Variants in IRF5 observed in about 807,000 individuals in gnomAD.
The protein encoded by IRF5 is interferon regulatory factor 5.
A neutral mutation model predicts 55.1 loss-of-function variants in IRF5; 24 were observed. That is an observed-to-expected ratio of 0.44 (90% CI 0.32 to 0.61). The LOEUF (loss-of-function observed/expected upper bound fraction) is 0.61. Among genes scored for constraint, IRF5 ranks in the 20% least tolerant of loss-of-function variants. The pLI is 0.07. For missense variants in IRF5, 499 were observed against 658.5 expected (o/e 0.76, Z 2.65); for synonymous variants, 258 against 260.2 (o/e 0.99, Z 0.08).
In IRF5 at chr7:128,948,963, G is replaced by C; in HGVS notation, c.*145G>C. 1.0e-6 allele frequency: 1 copy of C among 990,368 alleles called. No homozygotes were observed. Among genetic ancestry groups the C allele is most frequent in the South Asian group, 1.7e-5 (1 of 59,902 alleles). 61.3% of individuals were successfully genotyped at this position (990,368 alleles called of 1,614,324 possible). A position where few individuals can be genotyped will look rare whatever the true frequency, so the allele number is the denominator to read the frequency against. ...AAGTGGATTTGGGCCAAGAAGGAGAGGGAGAAAGGCCCGAGCCCCTGCCTT... is the reference window on the plus strand; with the variant it reads ...AAGTGGATTTGGGCCAAGAAGGAGACGGAGAAAGGCCCGAGCCCCTGCCTT... On this transcript the variant is annotated 3_prime_UTR_variant, in exon 9 of 9. Coordinates refer to ENST00000357234, the MANE Select transcript of IRF5 (RefSeq NM_001098629.3). This position sits in a 1 kb window ranked among gnomAD's most constrained non-coding sequence, Gnocchi z 4.6.
rs1796394473 is a variant in IRF5 at position 128,947,661 on chromosome 7, G to T, written c.788-68G>T. On this transcript the variant is annotated intron_variant, in intron 6 of 8. Transcript: ENST00000357234. This position sits in a 1 kb window ranked among gnomAD's most constrained non-coding sequence, Gnocchi z 6.5. ...GGGAGGGCGGATGGGGCTGGGCCTG[G>T]CCACTGGGCTGCAGAATGGGGAGGC... is the stretch of plus-strand genomic sequence containing the variant. 6.6e-7 allele frequency: 1 copy of T among 1,517,562 alleles called. No individual in the cohort carries two copies. The highest frequency in any genetic ancestry group is 8.8e-7 in the Non-Finnish European group (1 of 1,137,500). 94.0% of individuals were successfully genotyped at this position (1,517,562 alleles called of 1,614,324 possible).
intron 2 of IRF5, among the ~76,000 whole-genome samples, 194 bp downstream of exon 2, chr7:128,942,470 T>TA (rs1796082368): frequency 6.7e-6 from 1 of 150,130 alleles, no homozygotes; most frequent in South Asian, 2.1e-4. Context: ...TTTTTTTTTT[T>TA]AAGACAGAGT....
intron 2 of IRF5, among the ~76,000 whole-genome samples, 200 bp downstream of exon 2, chr7:128,942,476 A>AC: frequency 6.6e-6 from 1 of 150,542 alleles, no homozygotes; most frequent in East Asian, 1.9e-4. Context: ...TTTTTAAGAC[A>AC]GAGTCTCGCT....
rs766997158 is a variant in IRF5, at chr7:128,948,335, C to G, written c.1299+7C>G. On this transcript the variant is annotated splice_region_variant and intron_variant, in intron 8 of 8. Transcript: ENST00000357234. The surrounding 1 kb of genome is among the most constrained non-coding windows in gnomAD (Gnocchi z 4.6). ...GAAGCTCATTACTGTACAGGTACAT[C>G]TCCCCTATCCCAAAGTCGGCCTTGG... 8.3e-6 allele frequency: 13 copies of G among 1,574,678 alleles called. No individual in the cohort carries two copies. The Admixed American group carries it at 1.7e-4, about 21-fold the overall frequency.
chr7:128,948,249 C>A lies in IRF5; in HGVS notation c.1220C>A (p.Pro407Gln). The change falls in exon 8 of 9, where the codon CCA becomes CAA. Residue 407 changes from proline to glutamine, a missense_variant. Pro to Gln is a moderately conservative substitution (Grantham distance 76). This residue lies in a region of IRF5 where 194 missense variants were observed against 318.3 expected (regional missense o/e 0.61). Transcript: ENST00000357234. The surrounding 1 kb of genome is among the most constrained non-coding windows in gnomAD (Gnocchi z 4.6). ...CAAAAGGGCCAGACCAACACCCCAC[C>A]ACCCTTCGAGATCTTCTTCTGCTTT... ...LFQKGQTNTP[P>Q]PFEIFFCFGE... The A allele has an allele frequency of 6.2e-7, 1 of 1,613,762 alleles. No individual in the cohort carries two copies. Among genetic ancestry groups the A allele is most frequent in the Admixed American group, 1.7e-5 (1 of 59,924 alleles).
chr7:128,947,048 G>A lies in IRF5; in HGVS notation c.473G>A (p.Ser158Asn). The part of the protein sequence containing the change: ...EELQRMLPSL[S>N]LTDAVQSGPH... ...CTGCAGAGGATGTTGCCAAGCCTGA[G>A]CCTCACAGGTGGGGCCGGGAGGTGG... The change falls in exon 5 of 9, where the codon AGC becomes AAC. Residue 158 changes from serine to asparagine, a missense_variant. This residue lies in a region of IRF5 where 305 missense variants were observed against 340.2 expected (regional missense o/e 0.90). Transcript: ENST00000357234. The surrounding 1 kb of genome is among the most constrained non-coding windows in gnomAD (Gnocchi z 6.5). 6.2e-7 allele frequency: 1 copy of A among 1,614,142 alleles called. No individual in the cohort carries two copies. Among genetic ancestry groups the A allele is most frequent in the South Asian group, 1.1e-5 (1 of 91,080 alleles).
At chr7:128,937,247 C>T (rs1476003165), upstream of IRF5, among the ~76,000 whole-genome samples, 2 of 151,620 alleles carry the variant, frequency 1.3e-5, no homozygotes, top group African/African-American at 2.4e-5. Flanking sequence ...GAAGAACATT[C>T]CATGAGAAGG....
Position 128,946,141 on chromosome 7 carries a change from G to A in IRF5, c.385+107G>A. ...AGGCCAAGGGCCCCTCTAGCAGGCA[G>A]TGGTCCAGGAAACGATGCGGGGGCT... On this transcript the variant is annotated intron_variant, in intron 3 of 8. Coordinates refer to ENST00000357234, the MANE Select transcript of IRF5 (RefSeq NM_001098629.3). The surrounding 1 kb of genome is among the most constrained non-coding windows in gnomAD (Gnocchi z 4.2). 8.9e-7 allele frequency: 1 copy of A among 1,122,532 alleles called. No homozygotes were observed. The highest frequency in any genetic ancestry group is 1.2e-6 in the Non-Finnish European group (1 of 808,276). The allele number at this position is 1,122,532 out of a possible 1,614,324, so 69.5% of individuals were successfully genotyped here. A position where few individuals can be genotyped will look rare whatever the true frequency, so the allele number is the denominator to read the frequency against.
At position 128,947,184 on chromosome 7, in the gene IRF5, G is replaced by C; in HGVS notation, c.482-46G>C. The C allele has an allele frequency of 4.4e-6, 7 of 1,599,674 alleles. No individual in the cohort carries two copies. Among genetic ancestry groups the C allele is most frequent in the Non-Finnish European group, 6.0e-6 (7 of 1,171,786 alleles). On this transcript the variant is annotated intron_variant, in intron 5 of 8. Coordinates refer to ENST00000357234, the MANE Select transcript of IRF5 (RefSeq NM_001098629.3). This position sits in a 1 kb window ranked among gnomAD's most constrained non-coding sequence, Gnocchi z 6.5. ...TGGGAGGAGGTGTGCCTGGGAGGCAGTTCGTGGAGGTGGCACTGACAGCCG... is the reference window on the plus strand; with the variant it reads ...TGGGAGGAGGTGTGCCTGGGAGGCACTTCGTGGAGGTGGCACTGACAGCCG...
rs1175572430 is a variant in IRF5, at chr7:128,947,319, C to T, written c.571C>T (p.Arg191Trp). The T allele has an allele frequency of 5.1e-5, 21 of 413,858 alleles. No homozygotes were observed. Among genetic ancestry groups the T allele is most frequent in the South Asian group, 1.1e-4 (3 of 26,956 alleles). The allele number at this position is 413,858 out of a possible 1,614,324, so 25.6% of individuals were successfully genotyped here. A position where few individuals can be genotyped will look rare whatever the true frequency, so the allele number is the denominator to read the frequency against. Residue 191 changes from arginine (R) to tryptophan (W), a missense_variant, in exon 6 of 9, where the codon CGG becomes TGG. Around this residue, in one of 2 missense-constraint regions of IRF5, gnomAD observed 305 missense variants for 340.2 expected, o/e 0.90. Transcript: ENST00000357234. This position sits in a 1 kb window ranked among gnomAD's most constrained non-coding sequence, Gnocchi z 6.5. ...GCCCACTCTGCAGCCGCCCACTCTGCGGCCGCCTACTCTGCAGCCGCCCAC... is the reference window on the plus strand; with the variant it reads ...GCCCACTCTGCAGCCGCCCACTCTGTGGCCGCCTACTCTGCAGCCGCCCAC... Reference protein sequence around the residue: ...WPPTLQPPTLRPPTLQPPTLQ... With the variant: ...WPPTLQPPTLWPPTLQPPTLQ...
At chr7:128,942,580 G>A (rs1796088260) in intron 2 of IRF5, among the ~76,000 whole-genome samples, 1 of 151,868 alleles carries the variant, frequency 6.6e-6, no homozygotes, top group Non-Finnish European at 1.5e-5. Flanking sequence ...AGCCTCCTGA[G>A]TAGCTGGGAT....
At position 128,941,848 on chromosome 7, in the gene IRF5, C is replaced by T. The variant is rs757489495; in HGVS notation, c.-11-223C>T. Among the ~76,000 whole-genome samples, 4 of 152,184 alleles carry T rather than the reference C, an allele frequency of 2.6e-5. No homozygotes were observed. In the East Asian group the frequency reaches 5.8e-4, roughly 22 times the overall value. On this transcript the variant is annotated intron_variant, in intron 1 of 8. Transcript: ENST00000357234. ...CTGCCCGGTAAAGGGCACCTGGGGC[C>T]GCGCCCGCAGCATTCACTAACTCGT...
chr7:128,945,008 G>A (rs553036046), intron 2 of IRF5, among the ~76,000 whole-genome samples: 3 of 152,290 alleles, frequency 2.0e-5, no homozygotes, highest in African/African-American at 7.2e-5. Flanking sequence ...AAGAAATGTT[G>A]GTAACCCTCA....
chr7:128,947,360 G>A lies in IRF5; in HGVS notation c.612G>A (p.Val204=), dbSNP rs1222406617. The A allele has an allele frequency of 1.2e-6, 2 of 1,608,668 alleles. No homozygotes were observed. Among genetic ancestry groups the A allele is most frequent in the Non-Finnish European group, 1.7e-6 (2 of 1,177,976 alleles). Residue 204 remains valine (V), a synonymous_variant, in exon 6 of 9, where the codon GTG becomes GTA. Transcript: ENST00000357234. The surrounding 1 kb of genome is among the most constrained non-coding windows in gnomAD (Gnocchi z 6.5). ...AGCCGCCCACTCTGCAGCCGCCCGT[G>A]GTGCTGGGTCCCCCTGCTCCAGACC... ...TLQPPTLQPP[V]VLGPPAPDPS... is the part of the protein sequence containing the mutation.
chr7:128,946,962 G>A lies in IRF5; in HGVS notation c.448-61G>A. The A allele has an allele frequency of 6.3e-7, 1 of 1,591,564 alleles. No homozygotes were observed. Among genetic ancestry groups the A allele is most frequent in the Non-Finnish European group, 8.6e-7 (1 of 1,160,296 alleles). On this transcript the variant is annotated intron_variant, in intron 4 of 8. Transcript: ENST00000357234. This position sits in a 1 kb window ranked among gnomAD's most constrained non-coding sequence, Gnocchi z 4.2. ...TTATTTCCCCAGCCCCAGGTCAGTGGAATAACCTGTCCTCCTTTCTCTCCC... is the reference window on the plus strand; with the variant it reads ...TTATTTCCCCAGCCCCAGGTCAGTGAAATAACCTGTCCTCCTTTCTCTCCC...
In IRF5 at chr7:128,946,724, C is replaced by T. The variant is rs1796326144; in HGVS notation, c.447+162C>T. 4.7e-6 allele frequency: 3 copies of T among 643,008 alleles called. No individual in the cohort carries two copies. The highest frequency in any genetic ancestry group is 8.3e-6 in the Non-Finnish European group (3 of 361,858). 39.8% of individuals were successfully genotyped at this position (643,008 alleles called of 1,614,324 possible). A position where few individuals can be genotyped will look rare whatever the true frequency, so the allele number is the denominator to read the frequency against. On this transcript the variant is annotated intron_variant, in intron 4 of 8. Transcript: ENST00000357234. The surrounding 1 kb of genome is among the most constrained non-coding windows in gnomAD (Gnocchi z 4.2). The stretch of plus-strand genomic sequence containing the variant: ...TTCTGAACGATAGGAGCACAGTCCC[C>T]ACCTGCTCCTTCCCAGGGCATTGTC...
chr7:128,947,702 G>C lies in IRF5; in HGVS notation c.788-27G>C. ...ATGGGGAGGCGTGGGGCTCAAGGACGGGATGGGCCTGCCTTCTGCCCCACA... is the reference window on the plus strand; with the variant it reads ...ATGGGGAGGCGTGGGGCTCAAGGACCGGATGGGCCTGCCTTCTGCCCCACA... On this transcript the variant is annotated intron_variant, in intron 6 of 8. Coordinates refer to ENST00000357234, the MANE Select transcript of IRF5 (RefSeq NM_001098629.3). This position sits in a 1 kb window ranked among gnomAD's most constrained non-coding sequence, Gnocchi z 6.5. 1 of 1,569,036 alleles carries C rather than the reference G, an allele frequency of 6.4e-7. No homozygotes were observed. The highest frequency in any genetic ancestry group is 8.6e-7 in the Non-Finnish European group (1 of 1,161,662).
Position 128,946,049 on chromosome 7 carries a change from C to T in IRF5, c.385+15C>T, listed in dbSNP as rs74583517. 15,674 of 1,566,662 alleles carry T rather than the reference C, an allele frequency of 0.01. 1,341 individuals are homozygous for T. In the African/African-American group the frequency reaches 0.19, roughly 19 times the overall value. On this transcript the variant is annotated intron_variant, in intron 3 of 8. Transcript: ENST00000357234. This position sits in a 1 kb window ranked among gnomAD's most constrained non-coding sequence, Gnocchi z 4.2. ...TGCTCCCACAGGTATCAGGCCTAGC[C>T]CTCTGTGGGCCACCTGGGAGGCTGT...
chr7:128,947,083 G>T lies in IRF5; in HGVS notation c.481+27G>T, dbSNP rs765125507. 6.2e-7 allele frequency: 1 copy of T among 1,614,112 alleles called. No individual in the cohort carries two copies. Among genetic ancestry groups the T allele is most frequent in the East Asian group, 2.2e-5 (1 of 44,886 alleles). ...TGGGGCCGGGAGGTGGTGGTTGGGGGTCTAGTATACAGAGAAGCTATAGGT... is the reference window on the plus strand; with the variant it reads ...TGGGGCCGGGAGGTGGTGGTTGGGGTTCTAGTATACAGAGAAGCTATAGGT... On this transcript the variant is annotated intron_variant, in intron 5 of 8. Transcript: ENST00000357234. The surrounding 1 kb of genome is among the most constrained non-coding windows in gnomAD (Gnocchi z 6.5).
Sources: allele counts gnomAD v4.1 joint callset (sites outside exome capture counted in the v4.1 genomes callset), GRCh38; gene constraint gnomAD v4.1.1; regional missense constraint gnomAD v4.1.1; non-coding constraint Gnocchi (gnomAD v3.1); transcripts MANE v1.5; gene names NCBI Gene and HGNC (gene_info 2026-07-23, HGNC 2026-07-21).